Variants in MAP2K4 observed in about 807,000 individuals in gnomAD.
MAP2K4 encodes the protein dual specificity mitogen-activated protein kinase kinase 4.
MAP2K4 carries 4 observed loss-of-function variants against 48.5 expected under a neutral mutation model. The ratio of observed to expected loss-of-function variants is 0.08; its 90% confidence interval spans 0.04 to 0.19. The LOEUF (loss-of-function observed/expected upper bound fraction) is 0.19. Ranked by LOEUF, MAP2K4 falls within the 10% of genes least tolerant of loss-of-function variation. The pLI, the probability that MAP2K4 is intolerant of heterozygous loss-of-function variation, is 1.00. For missense variants in MAP2K4, 258 were observed against 493.3 expected (o/e 0.52, Z 4.52); for synonymous variants, 166 against 173.1 (o/e 0.96, Z 0.32).
intron 2 of MAP2K4, chr17:12,069,925 A>ATATATATATATATATG (rs1970741378): frequency 1.0e-5 from 1 of 98,598 alleles, no homozygotes; most frequent in African/African-American, 4.9e-5. Flanking sequence ...ATATATATAT[A>ATATATATATATATATG]TATATATATA....
At chr17:12,101,541 C>T (rs868196896) in intron 4 of MAP2K4, among the ~76,000 whole-genome samples, 4 of 151,670 alleles carry the variant, frequency 2.6e-5, no homozygotes, top group African/African-American at 4.8e-5. Flanking sequence ...CCAAAAAACC[C>T]GAAAAAAACC....
At chr17:12,057,543 T>G (rs891653730) in intron 2 of MAP2K4, among the ~76,000 whole-genome samples, 14 of 152,212 alleles carry the variant, frequency 9.2e-5, no homozygotes, top group Admixed American at 4.6e-4. Context: ...TGTATCAGAT[T>G]AACCCTTTTA....
At chr17:12,095,526 T>A (rs778221353) in intron 3 of MAP2K4, 49 bp from the exon 4 acceptor site, 11 of 1,610,106 alleles carry the variant, frequency 6.8e-6, no homozygotes, top group African/African-American at 1.3e-5. Context: ...ATTGGTGTTT[T>A]TGACAAAATT....
chr17:12,132,941 C>T, intron 9 of MAP2K4, among the ~76,000 whole-genome samples: 1 of 152,100 alleles, frequency 6.6e-6, no homozygotes, highest in Non-Finnish European at 1.5e-5. Context: ...GCAAGTGTTG[C>T]ACAGTGAATT....
chr17:12,031,566 T>G (rs537197915), intron 1 of MAP2K4, among the ~76,000 whole-genome samples: 16 of 152,346 alleles, frequency 1.1e-4, no homozygotes, highest in African/African-American at 3.6e-4. Flanking sequence ...TCAAAAATTA[T>G]ATCTGTATAC....
At chr17:12,067,877 G>A (rs538039395) in intron 2 of MAP2K4, among the ~76,000 whole-genome samples, 21 of 152,136 alleles carry the variant, frequency 1.4e-4, no homozygotes, top group Admixed American at 1.4e-3. Flanking sequence ...AGACACAGAC[G>A]TGTGTGTGTA....
At chr17:12,093,648 A>G (rs933208928) in intron 3 of MAP2K4, among the ~76,000 whole-genome samples, 1 of 152,228 alleles carries the variant, frequency 6.6e-6, no homozygotes, top group Non-Finnish European at 1.5e-5. Flanking sequence ...ATTTGCCAAT[A>G]TATTCATACT....
chr17:12,108,621 A>G (rs1489729318), intron 5 of MAP2K4, among the ~76,000 whole-genome samples: 1 of 152,074 alleles, frequency 6.6e-6, no homozygotes. Context: ...TAAGATTCTT[A>G]GAAACTCCTG....
intron 4 of MAP2K4, among the ~76,000 whole-genome samples, chr17:12,101,986 C>T (rs1597468272): frequency 1.3e-5 from 2 of 151,796 alleles, no homozygotes; most frequent in African/African-American, 4.8e-5. Flanking sequence ...CAATTAGTTC[C>T]TTTATTTATT....
intron 1 of MAP2K4, chr17:12,021,548 G>A (rs1476857903): frequency 6.6e-6 from 1 of 151,276 alleles, no homozygotes; most frequent in East Asian, 2.0e-4. Context: ...GCTGACCTCG[G>A]GCTACGGGGG....
intron 1 of MAP2K4, among the ~76,000 whole-genome samples, chr17:12,049,520 A>C (rs1031463382): frequency 3.9e-5 from 6 of 152,160 alleles, no homozygotes; most frequent in East Asian, 1.9e-4. Context: ...GTTCTGTCTC[A>C]CCTGAGCTTG....
intron 9 of MAP2K4, among the ~76,000 whole-genome samples, chr17:12,134,339 A>G (rs547034222): frequency 3.9e-4 from 60 of 152,266 alleles, no homozygotes; most frequent in Non-Finnish European, 7.3e-4. Context: ...GTCACAGAAA[A>G]AAAAACAAGG....
Position 12,095,589 on chromosome 17 carries a change from A to G in MAP2K4, c.408A>G (p.Thr136=). ...QIMAVKRIRS[T]VDEKEQKQLL... ...TTCTTTTCCAGAGAATTCGGTCAAC[A>G]GTGGATGAAAAAGAACAAAAACAAC... Residue 136 remains threonine, a synonymous_variant, in exon 4 of 11, where the codon ACA becomes ACG. Coordinates refer to ENST00000353533, the MANE Select transcript of MAP2K4 (RefSeq NM_003010.4). The G allele has an allele frequency of 6.2e-7, 1 of 1,613,946 alleles. No individual in the cohort carries two copies. The highest frequency in any genetic ancestry group is 8.5e-7 in the Non-Finnish European group (1 of 1,179,922).
chr17:12,078,717 A>T (rs1408481918), intron 2 of MAP2K4, among the ~76,000 whole-genome samples: 2 of 151,958 alleles, frequency 1.3e-5, no homozygotes, highest in African/African-American at 4.8e-5. Context: ...TGTGTTTTCT[A>T]CTGTTTATGT....
intron 4 of MAP2K4, 138 bp downstream of exon 4, chr17:12,095,832 A>G: frequency 1.9e-6 from 2 of 1,046,718 alleles, no homozygotes; most frequent in Non-Finnish European, 2.8e-6. Context: ...TAACCATGGT[A>G]ATTTACATAT....
intron 1 of MAP2K4, among the ~76,000 whole-genome samples, chr17:12,025,513 A>G (rs1379344829): frequency 6.6e-6 from 1 of 152,210 alleles, no homozygotes; most frequent in Admixed American, 6.5e-5. Context: ...AGAATCTATA[A>G]TTGATTCAGA....
chr17:12,059,935 T>G (rs960629033), intron 2 of MAP2K4, among the ~76,000 whole-genome samples: 10 of 152,142 alleles, frequency 6.6e-5, no homozygotes, highest in African/African-American at 9.7e-5. Flanking sequence ...CCCAGCACTT[T>G]GGGAGGTCGA....
intron 2 of MAP2K4, among the ~76,000 whole-genome samples, chr17:12,073,212 T>A (rs1970876546): frequency 6.6e-6 from 1 of 152,200 alleles, no homozygotes; most frequent in South Asian, 2.1e-4. Context: ...CTTTTCATGT[T>A]CATTTCTTCT....
intron 1 of MAP2K4, among the ~76,000 whole-genome samples, chr17:12,025,475 A>G (rs1969225206): frequency 6.6e-6 from 1 of 152,222 alleles, no homozygotes; most frequent in Admixed American, 6.5e-5. Flanking sequence ...TCAGTTTTCA[A>G]TAGATGTTTT....
Sources: allele counts gnomAD v4.1 joint callset (sites outside exome capture counted in the v4.1 genomes callset), GRCh38; gene constraint gnomAD v4.1.1; transcripts MANE v1.5; gene names NCBI Gene and HGNC (gene_info 2026-07-23, HGNC 2026-07-21).